Variants in EXD3 observed in about 807,000 individuals in gnomAD.
The protein encoded by EXD3 is exonuclease 3'-5' domain containing 3, also known as exonuclease mut-7 homolog.
In EXD3, 92 loss-of-function variants were observed where a neutral mutation model predicts 98.0. The observed-to-expected ratio is 0.94, with a 90% CI of 0.79 to 1.12. The LOEUF is 1.12. Ranked by LOEUF, EXD3 falls within the 50% of genes most tolerant of loss-of-function variation. The pLI is 0.00. For missense variants in EXD3, 1,222 were observed against 1,191.6 expected, an observed-to-expected ratio of 1.03 and a Z score of -0.38; for synonymous variants, 569 against 526.0, an observed-to-expected ratio of 1.08 and a Z score of -1.12.
chr9:137,352,240 G>A (rs1195319128), intron 11 of EXD3, 39 bp from the exon 12 acceptor site: 3 of 1,610,726 alleles, frequency 1.9e-6, no homozygotes, highest in African/African-American at 2.7e-5. Context: ...CATGTCCCTG[G>A]TCCCCCACCC....
intron 2 of EXD3, among the ~76,000 whole-genome samples, chr9:137,394,564 C>T (rs1040595542): frequency 1.1e-4 from 16 of 151,608 alleles, no homozygotes; most frequent in East Asian, 3.9e-4. Context: ...TCCCTAATCC[C>T]GGCCTTCCAG....
chr9:137,418,008 G>A lies in EXD3; in HGVS notation c.-48+5106C>T, dbSNP rs565132234. Among the ~76,000 whole-genome samples, 6 of 152,284 alleles carry A rather than the reference G, an allele frequency of 3.9e-5. No individual in the cohort carries two copies. The South Asian group carries it at 1.2e-3, about 32-fold the overall frequency. On this transcript the variant is annotated intron_variant, in intron 1 of 21. Transcript: ENST00000340951. ...CACTGGGAGGCCGAGGACCCCCGGG[G>A]CTGGCAGGAGGTCTGTGCCCTGGGT... is the stretch of plus-strand genomic sequence containing the variant.
chr9:137,356,987 A>C (rs1363805961), intron 7 of EXD3, among the ~76,000 whole-genome samples: 2 of 152,128 alleles, frequency 1.3e-5, no homozygotes, highest in Admixed American at 6.6e-5. Context: ...GGAGATGTGC[A>C]CCTCCAGGGT....
chr9:137,323,825 AGGC>A lies in EXD3; in HGVS notation c.2081_2083del (p.Cys694_Leu695delinsPhe). ...GGCCTTCAGGGAGCAGTCGACCGAG[AGGC>A]AGCGCCCAGCCCCGACCTGGGCCCG... is the stretch of plus-strand genomic sequence containing the variant. On this transcript the variant is annotated inframe_deletion, in exon 19 of 22. Coordinates refer to ENST00000340951, the MANE Select transcript of EXD3 (RefSeq NM_017820.5). The A allele has an allele frequency of 6.2e-7, 1 of 1,611,982 alleles. No individual in the cohort carries two copies.
chr9:137,413,528 C>T (rs1176613568), intron 1 of EXD3, among the ~76,000 whole-genome samples: 1 of 132,366 alleles, frequency 7.6e-6, no homozygotes, highest in Non-Finnish European at 1.6e-5. Flanking sequence ...TTTTTTGAGA[C>T]AGGGTCTCGC....
At chr9:137,353,237 C>T in intron 10 of EXD3, 1 of 984,734 alleles carries the variant, frequency 1.0e-6, no homozygotes, top group Non-Finnish European at 1.2e-6. Context: ...TTCCAGCCTC[C>T]AAGCCTCCAC....
chr9:137,354,029 G>A (rs1427671544), intron 10 of EXD3: 1 of 1,181,392 alleles, frequency 8.5e-7, no homozygotes. Flanking sequence ...GCACCTCTCT[G>A]GTGACTCTCA....
Position 137,349,022 on chromosome 9 carries a change from C to A in EXD3, c.1830+88G>T, listed in dbSNP as rs980326721. The A allele has an allele frequency of 1.3e-5, 19 of 1,438,200 alleles. No homozygotes were observed. In the Admixed American group the frequency reaches 3.4e-4, roughly 26 times the overall value. 89.1% of individuals were successfully genotyped at this position (1,438,200 alleles called of 1,614,324 possible). ...CCCTCCACACGCTCTGACCCAGTGG[C>A]CTTGTCTCCATGCAGGTCCTTGGTT... On this transcript the variant is annotated intron_variant, in intron 16 of 21. Transcript: ENST00000340951. This position sits in a 1 kb window ranked among gnomAD's most constrained non-coding sequence, Gnocchi z 7.4.
rs1231428588 is a variant in EXD3 at position 137,309,749 on chromosome 9, C to T, written c.2185-49G>A. On this transcript the variant is annotated intron_variant, in intron 19 of 21. Coordinates refer to ENST00000340951, the MANE Select transcript of EXD3 (RefSeq NM_017820.5). ...GGCCCAGGCGGGGCTTCTCCGGGTG[C>T]CCCATACCCCAGCCCTCTGCTCGCT... The T allele has an allele frequency of 5.7e-6, 8 of 1,411,398 alleles. No homozygotes were observed. In the South Asian group the frequency reaches 8.6e-5, roughly 15 times the overall value. The allele number at this position is 1,411,398 out of a possible 1,614,324, so 87.4% of individuals were successfully genotyped here.
At chr9:137,331,574 A>C (rs901645551) in intron 17 of EXD3, among the ~76,000 whole-genome samples, 4 of 152,298 alleles carry the variant, frequency 2.6e-5, no homozygotes, top group Middle Eastern at 3.4e-3. Context: ...TCAGGTTACA[A>C]AATAAATGTG....
chr9:137,338,246 C>T (rs985462308), intron 17 of EXD3, among the ~76,000 whole-genome samples: 12 of 152,030 alleles, frequency 7.9e-5, no homozygotes, highest in African/African-American at 2.9e-4. Context: ...ACTAAAAAGC[C>T]CCAAGATCCA....
chr9:137,388,519 ACT>A (rs1836728847), intron 2 of EXD3, among the ~76,000 whole-genome samples: 1 of 151,900 alleles, frequency 6.6e-6, no homozygotes, highest in Non-Finnish European at 1.5e-5. Flanking sequence ...TATTCCCGAC[ACT>A]CTACCATAAA....
intron 7 of EXD3, among the ~76,000 whole-genome samples, chr9:137,364,656 A>T (rs116179223): frequency 0.11 from 17,120 of 151,844 alleles, 1,390 homozygotes; most frequent in Admixed American, 0.22. Flanking sequence ...ATCTGCAATG[A>T]AATCTAACAC....
intron 20 of EXD3, among the ~76,000 whole-genome samples, chr9:137,308,986 C>T (rs905419325): frequency 9.2e-5 from 14 of 152,182 alleles, no homozygotes; most frequent in African/African-American, 2.2e-4. Context: ...CCTTAGCCCC[C>T]GTGCCAGCCC....
intron 1 of EXD3, among the ~76,000 whole-genome samples, chr9:137,398,153 A>G (rs1205663921): frequency 6.6e-6 from 1 of 152,222 alleles, no homozygotes; most frequent in Non-Finnish European, 1.5e-5. Flanking sequence ...CAGATCAAAG[A>G]AGGACCAGAT....
At position 137,369,496 on chromosome 9, in the gene EXD3, C is replaced by T. The variant is rs966224587; in HGVS notation, c.463-1507G>A. 6.0e-4 allele frequency among the ~76,000 whole-genome samples: 91 copies of T among 152,204 alleles called. 3 individuals carry two copies. Among genetic ancestry groups the T allele is most frequent in the Admixed American group, 5.6e-3 (85 of 15,290 alleles). On this transcript the variant is annotated intron_variant, in intron 5 of 21. Transcript: ENST00000340951. Reference sequence around the variant, plus strand: ...TGCAGGGAAGTGGAGGATGGGGCTGCGCCCGGCACCTCCTTGGGACCAGGC... The same window carrying T: ...TGCAGGGAAGTGGAGGATGGGGCTGTGCCCGGCACCTCCTTGGGACCAGGC...
At chr9:137,314,744 C>T (rs1247515429) in intron 19 of EXD3, among the ~76,000 whole-genome samples, 3 of 152,152 alleles carry the variant, frequency 2.0e-5, no homozygotes, top group African/African-American at 7.2e-5. Context: ...CCTCGGGCAG[C>T]GTCGGCGGCG....
At chr9:137,408,738 C>G (rs540132362) in intron 1 of EXD3, among the ~76,000 whole-genome samples, 1 of 152,116 alleles carries the variant, frequency 6.6e-6, no homozygotes, top group Admixed American at 6.5e-5. Context: ...CTGTGAGTTC[C>G]AAGATCCTCT....
intron 7 of EXD3, 98 bp from the exon 8 acceptor site, chr9:137,356,466 C>A: frequency 7.3e-6 from 6 of 820,530 alleles, no homozygotes; most frequent in Middle Eastern, 2.6e-4. Flanking sequence ...ATAGTTTAAA[C>A]CTCAAGTGAG....
Sources: allele counts gnomAD v4.1 joint callset (sites outside exome capture counted in the v4.1 genomes callset), GRCh38; gene constraint gnomAD v4.1.1; non-coding constraint Gnocchi (gnomAD v3.1); transcripts MANE v1.5; gene names NCBI Gene and HGNC (gene_info 2026-07-23, HGNC 2026-07-21).